The following MRPL3 variants were observed in gnomAD, a reference collection of about 807,000 sequenced individuals.
The protein encoded by MRPL3 is large ribosomal subunit protein uL3m.
MRPL3 carries 43 observed loss-of-function variants against 44.3 expected under a neutral mutation model. The observed-to-expected ratio is 0.97, with a 90% CI of 0.76 to 1.25. MRPL3 has a LOEUF of 1.25. Ranked by LOEUF, MRPL3 falls within the 50% of genes most tolerant of loss-of-function variation. The probability of loss-of-function intolerance (pLI) is 0.00; values close to 1 mark genes in which losing one functional copy is unlikely to be tolerated. For synonymous variants in MRPL3, 171 were observed against 152.3 expected (o/e 1.12, Z -0.91); for missense variants, 406 against 427.6 (o/e 0.95, Z 0.45).
At chr3:131,465,557 T>C (rs1933582440) in intron 9 of MRPL3, among the ~76,000 whole-genome samples, 1 of 152,088 alleles carries the variant, frequency 6.6e-6, no homozygotes, top group South Asian at 2.1e-4. Context: ...TGTAGAAAAA[T>C]AGGCAGAAAA....
chr3:131,499,186 AT>A, intron 3 of MRPL3, among the ~76,000 whole-genome samples: 1 of 152,174 alleles, frequency 6.6e-6, no homozygotes, highest in East Asian at 1.9e-4. Context: ...CACTTAACAT[AT>A]TTGTAAGGTT....
chr3:131,499,682 T>C (rs988192974), intron 3 of MRPL3, among the ~76,000 whole-genome samples: 8 of 152,178 alleles, frequency 5.3e-5, no homozygotes, highest in Non-Finnish European at 8.8e-5. Context: ...ATCAACTGAG[T>C]TGTTCAAAGT....
At chr3:131,501,967 C>G (rs1364594491) in intron 1 of MRPL3, 1 of 1,471,300 alleles carries the variant, frequency 6.8e-7, no homozygotes, top group Non-Finnish European at 9.2e-7. Context: ...TAAACATATT[C>G]CCCAAAAAAC....
chr3:131,481,059 G>C (rs1933974811), intron 6 of MRPL3, among the ~76,000 whole-genome samples: 1 of 152,142 alleles, frequency 6.6e-6, no homozygotes, highest in African/African-American at 2.4e-5. Context: ...AAACAGATTA[G>C]AAGAAAAATA....
At chr3:131,498,329 A>G in intron 3 of MRPL3, 52 bp from the exon 4 acceptor site, 6 of 1,195,808 alleles carry the variant, frequency 5.0e-6, no homozygotes, top group Non-Finnish European at 6.2e-6. Flanking sequence ...ATATTTTAAC[A>G]TTACAAACCA....
intron 5 of MRPL3, among the ~76,000 whole-genome samples, chr3:131,489,378 G>A (rs1030895485): frequency 7.9e-5 from 12 of 152,022 alleles, no homozygotes; most frequent in African/African-American, 1.9e-4. Flanking sequence ...GTTTAGTTCC[G>A]ATATTAAATA....
chr3:131,469,291 A>C (rs139845184), intron 8 of MRPL3, among the ~76,000 whole-genome samples: 2 of 150,344 alleles, frequency 1.3e-5, no homozygotes, highest in African/African-American at 4.9e-5. Context: ...ATACCCTTCC[A>C]CTCTTCTGTG....
intron 4 of MRPL3, among the ~76,000 whole-genome samples, chr3:131,493,750 A>T (rs144978722): frequency 2.8e-4 from 42 of 152,356 alleles, no homozygotes; most frequent in Non-Finnish European, 5.0e-4. Context: ...ATATATCATG[A>T]CTTGCTCTGA....
intron 6 of MRPL3, among the ~76,000 whole-genome samples, chr3:131,479,407 G>T (rs1933926473): frequency 6.6e-6 from 1 of 152,164 alleles, no homozygotes; most frequent in Non-Finnish European, 1.5e-5. Context: ...AGAAGTGGGG[G>T]TGGGAAGGTG....
Position 131,500,445 on chromosome 3 carries a change from C to G in MRPL3, c.354G>C (p.Val118=), listed in dbSNP as rs1190109975. Residue 118 remains valine (V), a synonymous_variant, in exon 3 of 10, where the codon GTG becomes GTC. Transcript: ENST00000264995. ...PLWTKDGQKH[V]VTLLQVQDCH... is the part of the protein sequence containing the mutation. Reference sequence around the variant, plus strand: ...TCTCTCTTACCTGAAGTAATGTGACCACATGCTTTTGACCATCCTTGGTCC... The same window carrying G: ...TCTCTCTTACCTGAAGTAATGTGACGACATGCTTTTGACCATCCTTGGTCC... 6.2e-7 allele frequency: 1 copy of G among 1,613,396 alleles called. No homozygotes were observed. Among genetic ancestry groups the G allele is most frequent in the Non-Finnish European group, 8.5e-7 (1 of 1,179,630 alleles).
chr3:131,469,831 A>G, intron 7 of MRPL3, 58 bp from the exon 8 acceptor site: 2 of 1,042,070 alleles, frequency 1.9e-6, no homozygotes, highest in Non-Finnish European at 2.9e-6. Context: ...AACAGCACTG[A>G]TCAAACCACA....
At chr3:131,502,254 G>A (rs567907768) in intron 1 of MRPL3, among the ~76,000 whole-genome samples, 2 of 152,242 alleles carry the variant, frequency 1.3e-5, no homozygotes, top group East Asian at 1.9e-4. Flanking sequence ...TTGCATGGAG[G>A]GTCAGAACAG....
chr3:131,478,454 C>T (rs1933903341), intron 6 of MRPL3, among the ~76,000 whole-genome samples: 1 of 152,060 alleles, frequency 6.6e-6, no homozygotes, highest in Admixed American at 6.5e-5. Context: ...TTAGATGGTT[C>T]CCTAGTAATA....
At chr3:131,487,447 A>AT (rs939154336) in intron 6 of MRPL3, 1 of 408,492 alleles carries the variant, frequency 2.4e-6, no homozygotes, top group Non-Finnish European at 4.4e-6. Context: ...TTAAAGTATA[A>AT]TAAAAAAAAA....
chr3:131,501,890 G>A (rs1455981305), intron 1 of MRPL3, 175 bp from the exon 2 acceptor site: 3 of 1,538,270 alleles, frequency 2.0e-6, no homozygotes, highest in East Asian at 4.9e-5. Context: ...ACATTCCTTC[G>A]GATAAGGCTC....
chr3:131,486,364 CAAAAAAAAAAAAAAAA>C (rs36151946), intron 6 of MRPL3, among the ~76,000 whole-genome samples: 2 of 46,690 alleles, frequency 4.3e-5, no homozygotes, highest in Admixed American at 4.3e-4. Context: ...TTCTGCACGG[CAAAAAAAAAAAAAAAA>C]AAAAAAAAAA....
At chr3:131,491,437 AAC>A (rs2110711221) in intron 4 of MRPL3, among the ~76,000 whole-genome samples, 1 of 152,300 alleles carries the variant, frequency 6.6e-6, no homozygotes, top group African/African-American at 2.4e-5. Context: ...TTCTACTTTG[AAC>A]TATACATTCA....
At chr3:131,482,898 T>G (rs1316126208) in intron 6 of MRPL3, among the ~76,000 whole-genome samples, 1 of 152,000 alleles carries the variant, frequency 6.6e-6, no homozygotes, top group Non-Finnish European at 1.5e-5. Flanking sequence ...GTCCTTCAAG[T>G]CCTTTCAGGC....
chr3:131,497,045 T>G (rs1483234546), intron 4 of MRPL3, among the ~76,000 whole-genome samples: 2 of 152,224 alleles, frequency 1.3e-5, no homozygotes, highest in African/African-American at 4.8e-5. Context: ...CTTTCTGTTC[T>G]CCCTGTGAAA....
Sources: gnomAD v4.1 joint callset for allele counts (sites outside exome capture counted in the v4.1 genomes callset) on GRCh38, gnomAD v4.1.1 for gene constraint, MANE v1.5 for transcripts, NCBI Gene and HGNC (gene_info 2026-07-23, HGNC 2026-07-21) for gene names.